The following COL23A1 variants were observed in gnomAD, a reference collection of about 807,000 sequenced individuals.
COL23A1 encodes the protein collagen type XXIII alpha 1 chain, also known as collagen alpha-1(XXIII) chain.
A neutral mutation model predicts 99.3 loss-of-function variants in COL23A1; 97 were observed. The observed-to-expected ratio is 0.98, with a 90% CI of 0.83 to 1.16. The LOEUF (loss-of-function observed/expected upper bound fraction) is 1.16. Ranked by LOEUF, COL23A1 falls within the 50% of genes most tolerant of loss-of-function variation. COL23A1 has a pLI of 0.00. For synonymous variants in COL23A1, 320 were observed against 308.2 expected (o/e 1.04, Z -0.40); for missense variants, 762 against 757.4 (o/e 1.01, Z -0.07).
chr5:178,529,178 T>C, intron 2 of COL23A1, among the ~76,000 whole-genome samples: 1 of 152,208 alleles, frequency 6.6e-6, no homozygotes, highest in East Asian at 1.9e-4. Flanking sequence ...CAGCCGACAG[T>C]CTAGCCCTGG....
chr5:178,246,238 C>T lies in COL23A1; in HGVS notation c.1413+16G>A, dbSNP rs981557696. On this transcript the variant is annotated intron_variant, in intron 24 of 28. Coordinates refer to ENST00000390654, the MANE Select transcript of COL23A1 (RefSeq NM_173465.4). ...GTGGCCACGGTTGGAGAGGGAGTTC[C>T]GAATGAGGCGGTTACCTTCTCTCCT... 1.1e-5 allele frequency: 17 copies of T among 1,552,972 alleles called. No individual in the cohort carries two copies. The highest frequency in any genetic ancestry group is 1.7e-4 in the Middle Eastern group (1 of 5,898).
chr5:178,354,615 C>T (rs757096505), intron 2 of COL23A1, among the ~76,000 whole-genome samples: 9 of 152,182 alleles, frequency 5.9e-5, no homozygotes, highest in African/African-American at 9.7e-5. Flanking sequence ...CTTCACCCTT[C>T]GCTGTCTCTC....
chr5:178,537,789 G>A (rs1329103350), intron 2 of COL23A1, among the ~76,000 whole-genome samples: 7 of 152,212 alleles, frequency 4.6e-5, no homozygotes, highest in South Asian at 2.1e-4. Context: ...GGTAAAATAC[G>A]TGGCATGACG....
At chr5:178,378,778 G>A (rs1446393710) in intron 2 of COL23A1, among the ~76,000 whole-genome samples, 1 of 152,186 alleles carries the variant, frequency 6.6e-6, no homozygotes, top group Non-Finnish European at 1.5e-5. Flanking sequence ...CTCAAGGACA[G>A]GGTGAATGGA....
intron 25 of COL23A1, among the ~76,000 whole-genome samples, chr5:178,243,794 G>A (rs1038355124): frequency 6.6e-6 from 1 of 152,200 alleles, no homozygotes; most frequent in African/African-American, 2.4e-5. Context: ...CAGGCCTCCT[G>A]GAAGGCAGCT....
At chr5:178,324,651 C>T (rs1307813599) in intron 2 of COL23A1, among the ~76,000 whole-genome samples, 1 of 152,204 alleles carries the variant, frequency 6.6e-6, no homozygotes, top group Non-Finnish European at 1.5e-5. Flanking sequence ...GCCACACACA[C>T]CACAAGGCTG....
rs532777886 is a variant in COL23A1 at position 178,458,203 on chromosome 5, T to C, written c.361+102479A>G. On this transcript the variant is annotated intron_variant, in intron 2 of 28. Coordinates refer to ENST00000390654, the MANE Select transcript of COL23A1 (RefSeq NM_173465.4). The stretch of plus-strand genomic sequence containing the variant: ...AGGATGCTGGGAACAAACTCATTAT[T>C]TGGAAAATTGGTAAATAAGGGAGAA... Among the ~76,000 whole-genome samples, 82 of 152,410 alleles carry C rather than the reference T, an allele frequency of 5.4e-4. No individual in the cohort carries two copies. In the South Asian group the frequency reaches 7.5e-3, roughly 14 times the overall value.
chr5:178,560,997 A>G (rs1281146740), intron 1 of COL23A1, among the ~76,000 whole-genome samples: 1 of 152,242 alleles, frequency 6.6e-6, no homozygotes, highest in Non-Finnish European at 1.5e-5. Context: ...GCTTTGTTAC[A>G]GCATTTTCAA....
chr5:178,413,742 T>G (rs936242500), intron 2 of COL23A1, among the ~76,000 whole-genome samples: 2 of 152,104 alleles, frequency 1.3e-5, no homozygotes, highest in Non-Finnish European at 2.9e-5. Flanking sequence ...GGATGGGGAA[T>G]TGGACAAGGT....
chr5:178,320,265 CCT>C (rs1440877723), intron 2 of COL23A1, among the ~76,000 whole-genome samples: 5 of 152,344 alleles, frequency 3.3e-5, no homozygotes, highest in African/African-American at 9.6e-5. Flanking sequence ...GGCTGCAGCC[CCT>C]GAGTGGGGCC....
At chr5:178,256,949 G>A (rs1351315724) in intron 13 of COL23A1, 21 bp from the exon 14 acceptor site, 1 of 1,611,882 alleles carries the variant, frequency 6.2e-7, no homozygotes, top group Non-Finnish European at 8.5e-7. Context: ...CACAGCTGCA[G>A]TGAGAGCAAG....
chr5:178,542,178 C>G (rs1562070695), intron 2 of COL23A1, among the ~76,000 whole-genome samples: 1 of 152,110 alleles, frequency 6.6e-6, no homozygotes, highest in Non-Finnish European at 1.5e-5. Context: ...CACCTGCCAC[C>G]ACAACCAACT....
chr5:178,363,028 T>C (rs566684627), intron 2 of COL23A1, among the ~76,000 whole-genome samples: 151 of 86,732 alleles, frequency 1.7e-3, no homozygotes, highest in Non-Finnish European at 2.8e-3. Context: ...CCCACAGCAA[T>C]CCACTCCCAC....
intron 2 of COL23A1, among the ~76,000 whole-genome samples, chr5:178,370,226 C>A (rs1280824947): frequency 6.6e-6 from 1 of 152,188 alleles, no homozygotes; most frequent in East Asian, 1.9e-4. Flanking sequence ...GAGTGCAAAG[C>A]CAGGCCGCTG....
At chr5:178,530,535 G>A (rs749256673) in intron 2 of COL23A1, among the ~76,000 whole-genome samples, 3 of 152,206 alleles carry the variant, frequency 2.0e-5, no homozygotes, top group Non-Finnish European at 4.4e-5. Context: ...CTAATGAAGA[G>A]AAAGTGACAC....
chr5:178,398,247 G>A (rs994528948), intron 2 of COL23A1, among the ~76,000 whole-genome samples: 2 of 152,188 alleles, frequency 1.3e-5, no homozygotes, highest in Non-Finnish European at 1.5e-5. Context: ...ATGCTGTGGC[G>A]TTCAGATGTG....
At chr5:178,471,562 T>C (rs1020236830) in intron 2 of COL23A1, among the ~76,000 whole-genome samples, 1 of 152,118 alleles carries the variant, frequency 6.6e-6, no homozygotes, top group Non-Finnish European at 1.5e-5. Flanking sequence ...TTTCTGATGC[T>C]GTGAAACATC....
At chr5:178,317,734 C>T (rs928160521) in intron 2 of COL23A1, among the ~76,000 whole-genome samples, 5 of 152,228 alleles carry the variant, frequency 3.3e-5, no homozygotes, top group Middle Eastern at 3.4e-3. Context: ...TTAGCCAGTT[C>T]TCATGCTGCT....
At chr5:178,460,481 C>A (rs72808868) in intron 2 of COL23A1, among the ~76,000 whole-genome samples, 6 of 152,038 alleles carry the variant, frequency 3.9e-5, no homozygotes, top group Non-Finnish European at 7.4e-5. Flanking sequence ...TTCATCCAAA[C>A]TGGGAAACAT....
Sources: gnomAD v4.1 joint callset for allele counts (sites outside exome capture counted in the v4.1 genomes callset) on GRCh38, gnomAD v4.1.1 for gene constraint, MANE v1.5 for transcripts, NCBI Gene and HGNC (gene_info 2026-07-23, HGNC 2026-07-21) for gene names.